SCAF8: variants seen among roughly 807,000 people sequenced by gnomAD.
The protein encoded by SCAF8 is SR-related and CTD-associated factor 8.
Under a neutral mutation model 140.5 loss-of-function variants are expected in SCAF8, and 23 were observed. The ratio of observed to expected loss-of-function variants is 0.16; its 90% CI spans 0.12 to 0.23. The LOEUF is 0.23. Among genes scored for constraint, SCAF8 ranks in the 10% least tolerant of loss-of-function variants. SCAF8 has a pLI of 1.00. For synonymous variants in SCAF8, 575 were observed against 528.9 expected (o/e 1.09, Z -1.20); for missense variants, 1,397 against 1,555.7 (o/e 0.90, Z 1.72).
At chr6:154,739,443 G>C (rs1778512105) in intron 1 of SCAF8, among the ~76,000 whole-genome samples, 1 of 152,204 alleles carries the variant, frequency 6.6e-6, no homozygotes, top group East Asian at 1.9e-4. Flanking sequence ...TGTATAGCTA[G>C]TGTATTACAA....
intron 1 of SCAF8, among the ~76,000 whole-genome samples, chr6:154,760,512 G>A (rs533623292): frequency 1.3e-5 from 2 of 152,142 alleles, no homozygotes; most frequent in South Asian, 2.1e-4. Flanking sequence ...GAAATTCTGA[G>A]AAATACATAC....
At chr6:154,812,716 A>AAT (rs773990930) in intron 12 of SCAF8, among the ~76,000 whole-genome samples, 7 of 152,218 alleles carry the variant, frequency 4.6e-5, no homozygotes, top group Non-Finnish European at 8.8e-5. Context: ...ACCAGTGAAT[A>AAT]ATAACATTCC....
chr6:154,738,376 A>G (rs758684269), intron 1 of SCAF8, among the ~76,000 whole-genome samples: 10 of 152,230 alleles, frequency 6.6e-5, no homozygotes, highest in Non-Finnish European at 1.2e-4. Flanking sequence ...TGTGTTAAAA[A>G]TTACTATGTC....
Position 154,733,844 on chromosome 6 carries a change from C to A in SCAF8, c.-57C>A. The A allele has an allele frequency of 6.5e-7, 1 of 1,536,974 alleles. No homozygotes were observed. Reference sequence around the variant, plus strand: ...CAGCCCGCGTCTCGCTCTCCCCACCCAGTGCAGTGGCCGCCGCCTCTTCCG... The same window carrying A: ...CAGCCCGCGTCTCGCTCTCCCCACCAAGTGCAGTGGCCGCCGCCTCTTCCG... On this transcript the variant is annotated 5_prime_UTR_variant, in exon 1 of 20. Transcript: ENST00000367178.
At chr6:154,816,833 C>T (rs1778264351) in intron 13 of SCAF8, among the ~76,000 whole-genome samples, 1 of 152,122 alleles carries the variant, frequency 6.6e-6, no homozygotes, top group Admixed American at 6.5e-5. Flanking sequence ...TTACTTTTGA[C>T]TGTGTGTGAT....
chr6:154,791,697 T>TA (rs1434686075), intron 4 of SCAF8, among the ~76,000 whole-genome samples: 1 of 152,180 alleles, frequency 6.6e-6, no homozygotes, highest in Admixed American at 6.5e-5. Flanking sequence ...GCAGCAACGT[T>TA]ATATAGATCG....
intron 1 of SCAF8, among the ~76,000 whole-genome samples, chr6:154,765,332 A>C (rs1227290809): frequency 6.6e-6 from 1 of 152,134 alleles, no homozygotes; most frequent in Non-Finnish European, 1.5e-5. Context: ...ATTTTGGACA[A>C]ATTTATTTGG....
Position 154,810,103 on chromosome 6 carries a change from AAG to A in SCAF8, c.1318_1319del (p.Arg440GlufsTer9). ...ATCACGCTCCCGCTCAAGAGAAAGA[AAG>A]AGGAAATCATCACGGTCGTATTCAA... ...KRSRSRSRER[K>X]RKSSRSYSSE... On this transcript the variant is annotated frameshift_variant, in exon 12 of 20. Coordinates refer to ENST00000367178, the MANE Select transcript of SCAF8 (RefSeq NM_014892.5). LOFTEE classifies it high-confidence loss of function. 1 of 1,614,074 alleles carries A rather than the reference AAG, an allele frequency of 6.2e-7. No individual in the cohort carries two copies. The highest frequency in any genetic ancestry group is 8.5e-7 in the Non-Finnish European group (1 of 1,179,958).
intron 5 of SCAF8, among the ~76,000 whole-genome samples, chr6:154,794,031 C>G (rs1177847465): frequency 6.6e-6 from 1 of 151,894 alleles, no homozygotes; most frequent in Non-Finnish European, 1.5e-5. Flanking sequence ...TAGTGATCCT[C>G]CCATCTCAGC....
At position 154,802,103 on chromosome 6, in the gene SCAF8, G is replaced by A. The variant is rs1389663599; in HGVS notation, c.739G>A (p.Ala247Thr). Reference protein sequence around the residue: ...TAQLTAAAAAANTLTPLEQGV... With the variant: ...TAQLTAAAAATNTLTPLEQGV... ...ACAACTTACAGCTGCAGCTGCAGCT[G>A]CCAACACTCTTACTCCCTTAGAACA... Residue 247 changes from alanine to threonine, a missense_variant, in exon 7 of 20, where the codon GCC becomes ACC. Around this residue, in one of 5 missense-constraint regions of SCAF8, gnomAD observed 339 missense variants for 407.5 expected, o/e 0.83. Transcript: ENST00000367178. 6.2e-7 allele frequency: 1 copy of A among 1,611,862 alleles called. No homozygotes were observed. The highest frequency in any genetic ancestry group is 8.5e-7 in the Non-Finnish European group (1 of 1,178,896).
At chr6:154,811,270 A>G (rs1778081656) in intron 12 of SCAF8, among the ~76,000 whole-genome samples, 1 of 152,172 alleles carries the variant, frequency 6.6e-6, no homozygotes, top group Non-Finnish European at 1.5e-5. Flanking sequence ...TTCTCGCATG[A>G]TTACCATTAA....
At chr6:154,775,221 A>C (rs915284004) in intron 2 of SCAF8, among the ~76,000 whole-genome samples, 1 of 152,224 alleles carries the variant, frequency 6.6e-6, no homozygotes, top group African/African-American at 2.4e-5. Flanking sequence ...AGTTAAAATC[A>C]GTGTACTTCC....
rs1309592370 is a variant in SCAF8 at position 154,803,517 on chromosome 6, A to T, written c.784-27A>T. ...GTATTTGTGTGAAGCACTTTTTAAT[A>T]TGTCTGTTTCTCCTTCTTTCCCCCA... On this transcript the variant is annotated intron_variant, in intron 7 of 19. Transcript: ENST00000367178. 2.0e-6 allele frequency: 3 copies of T among 1,538,394 alleles called. No individual in the cohort carries two copies. The South Asian group carries it at 3.4e-5, about 17-fold the overall frequency.
chr6:154,794,759 T>TGGG (rs1176203256), intron 5 of SCAF8, among the ~76,000 whole-genome samples: 11 of 9,878 alleles, frequency 1.1e-3, no homozygotes, highest in Admixed American at 5.8e-3. Context: ...ATCCTTTTGG[T>TGGG]GGGGGGGGGG....
intron 18 of SCAF8, 143 bp from the exon 19 acceptor site, chr6:154,830,779 C>T: frequency 1.9e-6 from 1 of 532,930 alleles, no homozygotes; most frequent in Non-Finnish European, 3.3e-6. Flanking sequence ...ATGATGACTC[C>T]TTTTGTCATT....
At position 154,833,042 on chromosome 6, in the gene SCAF8, C is replaced by A. The variant is rs1221181120; in HGVS notation, c.3463C>A (p.Pro1155Thr). ...CAGAGATTTTGATGACCGCAGAAGA[C>A]CCTGGGAGAGGCAAAGGGATAGGGA... ...VHRDFDDRRR[P>T]WERQRDRDDR... The change falls in exon 20 of 20, where the codon CCC (proline) becomes ACC (threonine). Residue 1155 changes from proline (P) to threonine (T), a missense_variant. This residue lies in a region of SCAF8 where 930 missense variants were observed against 874.6 expected (regional missense o/e 1.06). Coordinates refer to ENST00000367178, the MANE Select transcript of SCAF8 (RefSeq NM_014892.5). 1.9e-6 allele frequency: 3 copies of A among 1,614,052 alleles called. No individual in the cohort carries two copies. Among genetic ancestry groups the A allele is most frequent in the East Asian group, 2.2e-5 (1 of 44,872 alleles).
At chr6:154,827,046 T>A (rs1287071857) in intron 17 of SCAF8, 126 bp from the exon 18 acceptor site, 4 of 722,858 alleles carry the variant, frequency 5.5e-6, no homozygotes, top group East Asian at 3.1e-5. Context: ...ATAGAAAAAA[T>A]ATATATAAAT....
At chr6:154,745,689 T>A (rs2114798900) in intron 1 of SCAF8, among the ~76,000 whole-genome samples, 1 of 152,308 alleles carries the variant, frequency 6.6e-6, no homozygotes, top group South Asian at 2.1e-4. Context: ...TTGATGCAAA[T>A]ACCTTGCTAC....
intron 1 of SCAF8, among the ~76,000 whole-genome samples, chr6:154,734,216 A>G (rs1778346471): frequency 1.3e-5 from 2 of 152,026 alleles, no homozygotes; most frequent in Admixed American, 1.3e-4. Context: ...TTGGGCCCTC[A>G]CCCGGAGACT....
Sources: gnomAD v4.1 joint callset for allele counts (sites outside exome capture counted in the v4.1 genomes callset) on GRCh38, gnomAD v4.1.1 for gene constraint, gnomAD v4.1.1 regional missense constraint, MANE v1.5 for transcripts, NCBI Gene and HGNC (gene_info 2026-07-23, HGNC 2026-07-21) for gene names.